Variants in ESRRG observed in about 807,000 individuals in gnomAD.
The protein encoded by ESRRG is estrogen related receptor gamma.
Under a neutral mutation model 44.0 loss-of-function variants are expected in ESRRG, and 13 were observed. The ratio of observed to expected loss-of-function variants is 0.30; its 90% CI spans 0.19 to 0.47. The LOEUF (loss-of-function observed/expected upper bound fraction) is 0.47. Ranked by LOEUF, ESRRG falls within the 20% of genes least tolerant of loss-of-function variation. The probability of loss-of-function intolerance (pLI) is 1.00; values close to 1 mark genes in which losing one functional copy is unlikely to be tolerated. For synonymous variants in ESRRG, 215 were observed against 214.6 expected, an observed-to-expected ratio of 1.00 and a Z score of -0.02; for missense variants, 395 against 580.6, an observed-to-expected ratio of 0.68 and a Z score of 3.29.
intron 1 of ESRRG, among the ~76,000 whole-genome samples, chr1:217,133,645 C>CTTTCTTTCTTTTTCTTTCTT (rs1553294787): frequency 1.1e-5 from 1 of 91,728 alleles, no homozygotes; most frequent in African/African-American, 4.2e-5. Context: ...CTCTCTCTCT[C>CTTTCTTTCTTTTTCTTTCTT]TCTTTCTTTC....
intron 5 of ESRRG, among the ~76,000 whole-genome samples, chr1:216,556,694 C>T (rs1566224): frequency 0.89 from 135,643 of 152,136 alleles, 60,701 homozygotes; most frequent in Middle Eastern, 0.92. Flanking sequence ...CCCATGCTCC[C>T]CCTTCTAAGT....
At chr1:216,742,876 T>TAA (rs147816522) in intron 2 of ESRRG, among the ~76,000 whole-genome samples, 24,030 of 151,970 alleles carry the variant, frequency 0.16, 1,914 homozygotes, top group Middle Eastern at 0.24. Flanking sequence ...CCCTCAAACT[T>TAA]AAGAGTTTAG....
intron 1 of ESRRG, among the ~76,000 whole-genome samples, chr1:216,984,701 T>C (rs1287579122): frequency 6.6e-6 from 1 of 152,178 alleles, no homozygotes; most frequent in African/African-American, 2.4e-5. Flanking sequence ...GAGAATCCCT[T>C]AGTGAGCCCA....
chr1:216,810,523 G>T (rs1223955789), intron 2 of ESRRG, among the ~76,000 whole-genome samples: 1 of 149,512 alleles, frequency 6.7e-6, no homozygotes, highest in Non-Finnish European at 1.5e-5. Context: ...AAAGACAGTG[G>T]TATACAGAAT....
chr1:217,049,570 G>A (rs1337463093), intron 1 of ESRRG, among the ~76,000 whole-genome samples: 2 of 152,198 alleles, frequency 1.3e-5, no homozygotes, highest in Non-Finnish European at 2.9e-5. Flanking sequence ...TAGCAGAGAA[G>A]AGAAGAAAAA....
intron 1 of ESRRG, among the ~76,000 whole-genome samples, chr1:216,690,976 C>A (rs1164330930): frequency 6.6e-6 from 1 of 152,126 alleles, no homozygotes; most frequent in African/African-American, 2.4e-5. Context: ...AACATAAATG[C>A]ATTTATGTGT....
At chr1:216,942,219 T>C (rs1285861966) in intron 1 of ESRRG, among the ~76,000 whole-genome samples, 1 of 152,212 alleles carries the variant, frequency 6.6e-6, no homozygotes, top group South Asian at 2.1e-4. Flanking sequence ...TCCAGCTGCA[T>C]CCACGTTGCT....
chr1:216,631,364 T>C (rs2064146960), intron 3 of ESRRG, among the ~76,000 whole-genome samples: 1 of 152,212 alleles, frequency 6.6e-6, no homozygotes, highest in South Asian at 2.1e-4. Context: ...GGGCTACTTA[T>C]TATCTTGGTA....
At chr1:217,050,995 C>T (rs1433064998) in intron 1 of ESRRG, among the ~76,000 whole-genome samples, 1 of 151,872 alleles carries the variant, frequency 6.6e-6, no homozygotes, top group African/African-American at 2.4e-5. Flanking sequence ...GAACAGACTC[C>T]AAGGTGGAAA....
intron 2 of ESRRG, chr1:216,862,644 A>G (rs912412312): frequency 3.3e-5 from 5 of 152,206 alleles, no homozygotes; most frequent in Non-Finnish European, 1.5e-5. Flanking sequence ...AAAAAAGAAT[A>G]TATACTGTAG....
In ESRRG at chr1:216,855,538, G is replaced by A. The variant is rs1263160442; in HGVS notation, c.-14+84044C>T. Among the ~76,000 whole-genome samples, 4 of 152,186 alleles carry A rather than the reference G, an allele frequency of 2.6e-5. No homozygotes were observed. In the East Asian group the frequency reaches 7.7e-4, roughly 29 times the overall value. Reference sequence around the variant, plus strand: ...CGTAGAACCTGAGGCCAGCTAAAGTGGAAAACAAAATGCTTTTTGAATTTA... The same window carrying A: ...CGTAGAACCTGAGGCCAGCTAAAGTAGAAAACAAAATGCTTTTTGAATTTA... On this transcript the variant is annotated intron_variant, in intron 2 of 7. Transcript: ENST00000359162.
intron 1 of ESRRG, among the ~76,000 whole-genome samples, chr1:217,057,213 G>A (rs1353637002): frequency 6.6e-6 from 1 of 152,122 alleles, no homozygotes; most frequent in African/African-American, 2.4e-5. Flanking sequence ...GGGAATCTCA[G>A]GAAGCATCTA....
chr1:216,940,250 T>C (rs1001173729), intron 1 of ESRRG, among the ~76,000 whole-genome samples: 1 of 152,194 alleles, frequency 6.6e-6, no homozygotes, highest in Non-Finnish European at 1.5e-5. Context: ...TCACTAAACA[T>C]ACACTAATGA....
rs375676616 is a variant in ESRRG, at chr1:216,594,349, T to C, written c.590-26251A>G. Among the ~76,000 whole-genome samples, 34 of 152,348 alleles carry C rather than the reference T, an allele frequency of 2.2e-4. No homozygotes were observed. In the South Asian group the frequency reaches 6.0e-3, roughly 27 times the overall value. On this transcript the variant is annotated intron_variant, in intron 3 of 6. Transcript: ENST00000408911. ...GGAAATGAATGTAATCTAGAGACAA[T>C]AATATTATTTAAATTTCTTTGAATA...
intron 2 of ESRRG, among the ~76,000 whole-genome samples, chr1:216,802,636 A>G (rs996508200): frequency 6.6e-5 from 10 of 152,142 alleles, no homozygotes; most frequent in African/African-American, 2.4e-4. Flanking sequence ...GCCCTGTGTG[A>G]CTGCACAGGT....
At chr1:216,686,779 T>C (rs2078062143) in intron 1 of ESRRG, among the ~76,000 whole-genome samples, 7 of 152,152 alleles carry the variant, frequency 4.6e-5, no homozygotes, top group Admixed American at 2.6e-4. Context: ...AGGCAAGTCA[T>C]TGTACCACCC....
chr1:216,763,018 C>A (rs573496453), intron 2 of ESRRG, among the ~76,000 whole-genome samples: 1 of 152,072 alleles, frequency 6.6e-6, no homozygotes, highest in South Asian at 2.1e-4. Flanking sequence ...TAGAAATTTT[C>A]TTTTGATCAG....
intron 6 of ESRRG, among the ~76,000 whole-genome samples, chr1:216,510,193 G>C (rs1415233489): frequency 6.6e-6 from 1 of 152,140 alleles, no homozygotes; most frequent in Non-Finnish European, 1.5e-5. Flanking sequence ...TAAGAGACCA[G>C]AACTAGGACA....
chr1:217,089,798 G>A (rs2092302308), upstream of ESRRG, among the ~76,000 whole-genome samples: 2 of 152,126 alleles, frequency 1.3e-5, no homozygotes, highest in Admixed American at 1.3e-4. Flanking sequence ...GAGCCGGGCT[G>A]CGAGGGGCAG....
Sources: allele counts gnomAD v4.1 joint callset (sites outside exome capture counted in the v4.1 genomes callset), GRCh38; gene constraint gnomAD v4.1.1; transcripts MANE v1.5; gene names NCBI Gene and HGNC (gene_info 2026-07-23, HGNC 2026-07-21).